Variants in ALOX5AP observed in about 807,000 individuals in gnomAD.
ALOX5AP encodes arachidonate 5-lipoxygenase-activating protein.
ALOX5AP carries 9 observed loss-of-function variants against 18.5 expected under a neutral mutation model. The ratio of observed to expected loss-of-function variants is 0.49; its 90% confidence interval spans 0.29 to 0.85. The LOEUF (loss-of-function observed/expected upper bound fraction) is 0.85, where lower values mean the gene tolerates loss of function less well. Ranked by LOEUF, ALOX5AP falls within the 40% of genes least tolerant of loss-of-function variation. The pLI is 0.08. For synonymous variants in ALOX5AP, 81 were observed against 78.6 expected, an observed-to-expected ratio of 1.03 and a Z score of -0.16; for missense variants, 172 against 202.5, an observed-to-expected ratio of 0.85 and a Z score of 0.91.
At position 30,764,067 on chromosome 13, in the gene ALOX5AP, G is replaced by A. The variant is rs199751347; in HGVS notation, c.447G>A (p.Thr149=). The change falls in exon 5 of 5, where the codon ACG becomes ACA. Residue 149 remains threonine (T), a synonymous_variant. Coordinates refer to ENST00000380490, the MANE Select transcript of ALOX5AP (RefSeq NM_001629.4). The stretch of plus-strand genomic sequence containing the variant: ...GTGACTTTGAAAACTACATAAAGAC[G>A]ATCTCCACCACCATCTCCCCTCTAC... The part of the protein sequence containing the change: ...FGSDFENYIK[T]ISTTISPLLL... 2.1e-5 allele frequency: 34 copies of A among 1,613,908 alleles called. No individual in the cohort carries two copies. Among genetic ancestry groups the A allele is most frequent in the South Asian group, 2.2e-5 (2 of 91,064 alleles).
chr13:30,735,784 CT>C, intron 1 of ALOX5AP, 109 bp downstream of exon 1: 2 of 1,183,564 alleles, frequency 1.7e-6, no homozygotes, highest in Non-Finnish European at 2.4e-6. Context: ...TGCACAAACA[CT>C]TTTACCTTAT....
intron 2 of ALOX5AP, among the ~76,000 whole-genome samples, chr13:30,750,784 C>G (rs1951845861): frequency 6.6e-6 from 1 of 152,140 alleles, no homozygotes; most frequent in Admixed American, 6.5e-5. Flanking sequence ...TGGGTAGGAC[C>G]TGATGTAACC....
chr13:30,744,371 T>C, intron 2 of ALOX5AP: 2 of 500,252 alleles, frequency 4.0e-6, no homozygotes, highest in South Asian at 4.6e-5. Flanking sequence ...GGAGTGGGGA[T>C]ATGGGGCACA....
chr13:30,747,365 C>T (rs539340992), intron 2 of ALOX5AP, among the ~76,000 whole-genome samples: 61 of 152,208 alleles, frequency 4.0e-4, no homozygotes, highest in South Asian at 2.1e-3. Context: ...TTAGTAGAGA[C>T]GGGGTTTCAC....
rs562439323 is a variant in ALOX5AP at position 30,748,475 on chromosome 13, G to T, written c.171-3577G>T. 2.6e-5 allele frequency among the ~76,000 whole-genome samples: 4 copies of T among 152,298 alleles called. No individual in the cohort carries two copies. The South Asian group carries it at 8.3e-4, about 32-fold the overall frequency. On this transcript the variant is annotated intron_variant, in intron 2 of 4. Coordinates refer to ENST00000380490, the MANE Select transcript of ALOX5AP (RefSeq NM_001629.4). ...AAACATGAATAGTGCAGCACATCAA[G>T]TTGAACATACCACAGCAAATTGTTG...
chr13:30,713,865 C>CACAT, intron 1 of ALOX5AP: 2 of 1,531,728 alleles, frequency 1.3e-6, no homozygotes, highest in Non-Finnish European at 1.7e-6. Context: ...TGCGCGCACA[C>CACAT]GCGCATGTGT....
chr13:30,751,155 C>T (rs554230903), intron 2 of ALOX5AP, among the ~76,000 whole-genome samples: 27 of 152,262 alleles, frequency 1.8e-4, no homozygotes, highest in Middle Eastern at 3.4e-3. Flanking sequence ...CCTCCGCCTC[C>T]CAGGTTCAAG....
At chr13:30,729,592 T>TTTG (rs1951665532) in intron 1 of ALOX5AP, among the ~76,000 whole-genome samples, 1 of 151,668 alleles carries the variant, frequency 6.6e-6, no homozygotes, top group Admixed American at 6.6e-5. Context: ...TTTTTTTTTT[T>TTTG]TTTAGATGGG....
chr13:30,731,726 G>T (rs1342669580), upstream of ALOX5AP, among the ~76,000 whole-genome samples: 1 of 152,174 alleles, frequency 6.6e-6, no homozygotes, highest in Non-Finnish European at 1.5e-5. Flanking sequence ...CAATGGGAGG[G>T]GGGTAATTTG....
In ALOX5AP at chr13:30,763,970, G is replaced by T; in HGVS notation, c.350G>T (p.Arg117Leu). 2 of 1,613,906 alleles carry T rather than the reference G, an allele frequency of 1.2e-6. No individual in the cohort carries two copies. The highest frequency in any genetic ancestry group is 1.7e-6 in the Non-Finnish European group (2 of 1,179,938). Reference sequence around the variant, plus strand: ...ACCCCTGGCTACATATTTGGGAAACGCATCATACTCTTCCTGTTCCTCATG... The same window carrying T: ...ACCCCTGGCTACATATTTGGGAAACTCATCATACTCTTCCTGTTCCTCATG... ...QSTPGYIFGKRIILFLFLMSV... is the reference protein window; with the variant it reads ...QSTPGYIFGKLIILFLFLMSV... Residue 117 changes from arginine (R) to leucine (L), a missense_variant, in exon 5 of 5, where the codon CGC becomes CTC. Transcript: ENST00000380490.
upstream of ALOX5AP, among the ~76,000 whole-genome samples, chr13:30,731,358 G>A (rs553977817): frequency 6.6e-6 from 1 of 151,048 alleles, no homozygotes; most frequent in South Asian, 2.1e-4. Context: ...TGCTATGTGG[G>A]TCTTTGCCTT....
chr13:30,756,119 G>A (rs1951891681), intron 4 of ALOX5AP, 94 bp downstream of exon 4: 21 of 1,210,246 alleles, frequency 1.7e-5, no homozygotes, highest in Non-Finnish European at 2.3e-5. Context: ...CTAGATTCAC[G>A]GCTCCGTAGC....
At chr13:30,716,533 T>A (rs951010760) in intron 1 of ALOX5AP, among the ~76,000 whole-genome samples, 1 of 152,208 alleles carries the variant, frequency 6.6e-6, no homozygotes, top group Non-Finnish European at 1.5e-5. Context: ...AAGTGTTGCT[T>A]TAAGAGACTA....
chr13:30,759,779 CT>C (rs1289742666), intron 4 of ALOX5AP, among the ~76,000 whole-genome samples: 3 of 152,162 alleles, frequency 2.0e-5, no homozygotes, highest in Non-Finnish European at 4.4e-5. Flanking sequence ...ATCAAGGCTG[CT>C]GTTTCTAAAA....
In ALOX5AP at chr13:30,735,562, C is replaced by T. The variant is rs1176319768; in HGVS notation, c.-44C>T. 1 of 1,612,200 alleles carries T rather than the reference C, an allele frequency of 6.2e-7. No individual in the cohort carries two copies. Among genetic ancestry groups the T allele is most frequent in the African/African-American group, 1.3e-5 (1 of 74,930 alleles). On this transcript the variant is annotated 5_prime_UTR_variant, in exon 1 of 5. Transcript: ENST00000380490. The stretch of plus-strand genomic sequence containing the variant: ...CCCTTCCTGTACAGGGCAGGTTGTG[C>T]AGCTGGAGGCAGAGCAGTCCTCTCT...
chr13:30,745,790 TG>T (rs1263678136), intron 2 of ALOX5AP, among the ~76,000 whole-genome samples: 1 of 152,148 alleles, frequency 6.6e-6, no homozygotes, highest in Non-Finnish European at 1.5e-5. Context: ...GCAAAGAAGG[TG>T]TCTTTGATGA....
chr13:30,716,750 C>G (rs1311732998), intron 1 of ALOX5AP, among the ~76,000 whole-genome samples: 2 of 152,158 alleles, frequency 1.3e-5, no homozygotes, highest in South Asian at 4.1e-4. Context: ...CCCAAACCAC[C>G]CTGAGTTGTG....
chr13:30,720,136 AGGCGTGAGCCACCGCGCCC>A (rs1454585374), intron 1 of ALOX5AP, among the ~76,000 whole-genome samples: 4 of 152,348 alleles, frequency 2.6e-5, no homozygotes, highest in African/African-American at 9.6e-5. Context: ...CTGGGATTAC[AGGCGTGAGCCACCGCGCCC>A]GGCCTCTAGA....
intron 2 of ALOX5AP, among the ~76,000 whole-genome samples, chr13:30,749,288 G>A (rs1330466924): frequency 1.3e-5 from 2 of 152,082 alleles, no homozygotes; most frequent in East Asian, 3.8e-4. Context: ...GCATAACCCA[G>A]ACAAAATCGC....
Sources: gnomAD v4.1 joint callset for allele counts (sites outside exome capture counted in the v4.1 genomes callset) on GRCh38, gnomAD v4.1.1 for gene constraint, MANE v1.5 for transcripts, NCBI Gene and HGNC (gene_info 2026-07-23, HGNC 2026-07-21) for gene names.